CADM2: variants seen among roughly 807,000 people sequenced by gnomAD.
CADM2 encodes the protein cell adhesion molecule 2, also known as immunoglobulin superfamily member 4D.
CADM2 carries 12 observed loss-of-function variants against 49.8 expected under a neutral mutation model. That is an observed-to-expected ratio of 0.24 (90% CI 0.15 to 0.39). The LOEUF is 0.39. Ranked by LOEUF, CADM2 falls within the 10% of genes least tolerant of loss-of-function variation. CADM2 has a pLI of 1.00. For missense variants in CADM2, 378 were observed against 492.3 expected, an observed-to-expected ratio of 0.77 and a Z score of 2.20; for synonymous variants, 214 against 175.4, an observed-to-expected ratio of 1.22 and a Z score of -1.74.
intron 2 of CADM2, among the ~76,000 whole-genome samples, chr3:85,777,162 T>C (rs1459136524): frequency 6.6e-6 from 1 of 152,024 alleles, no homozygotes; most frequent in Non-Finnish European, 1.5e-5. Flanking sequence ...ATTATCATTT[T>C]CATAAATAAA....
intron 1 of CADM2, among the ~76,000 whole-genome samples, chr3:85,501,934 A>G (rs1047974418): frequency 6.6e-6 from 1 of 152,142 alleles, no homozygotes; most frequent in African/African-American, 2.4e-5. Flanking sequence ...CTAAGGTAGT[A>G]CAAAAGGATA....
intron 1 of CADM2, among the ~76,000 whole-genome samples, chr3:85,242,703 G>A (rs866733952): frequency 7.9e-5 from 12 of 151,658 alleles, no homozygotes; most frequent in Non-Finnish European, 1.2e-4. Context: ...AAATTATGAC[G>A]TTAGAGCTTA....
At chr3:85,441,511 T>G (rs1429687559) in intron 1 of CADM2, among the ~76,000 whole-genome samples, 1 of 152,114 alleles carries the variant, frequency 6.6e-6, no homozygotes, top group Non-Finnish European at 1.5e-5. Flanking sequence ...ATATTTAATT[T>G]TCCTCATCTT....
rs571939171 is a variant in CADM2, at chr3:86,073,725, T to C, written c.*6942T>C. 1 of 152,036 alleles carries C rather than the reference T, an allele frequency of 6.6e-6. No individual in the cohort carries two copies. The highest frequency in any genetic ancestry group is 2.4e-5 in the African/African-American group (1 of 41,450). The allele number at this position is 152,036 out of a possible 1,614,324, so 9.4% of individuals were successfully genotyped here. ...AAACAGACATTGAAAGATGGAACTT[T>C]CTTTTTTCCAGTGACAGGTCATTAA... On this transcript the variant is annotated 3_prime_UTR_variant, in exon 10 of 10. Coordinates refer to ENST00000383699, the MANE Select transcript of CADM2 (RefSeq NM_001167675.2).
chr3:85,199,969 A>G (rs781272871), intron 1 of CADM2, among the ~76,000 whole-genome samples: 2 of 152,036 alleles, frequency 1.3e-5, no homozygotes, highest in Non-Finnish European at 2.9e-5. Flanking sequence ...AAACTGCATA[A>G]TGCATATATC....
At chr3:85,974,215 A>G (rs1316501109) in intron 8 of CADM2, among the ~76,000 whole-genome samples, 2 of 151,578 alleles carry the variant, frequency 1.3e-5, no homozygotes, top group African/African-American at 4.8e-5. Flanking sequence ...TCCATATGAG[A>G]TCCTATTTGA....
rs555117029 is a variant in CADM2 at position 85,918,357 on chromosome 3, A to T, written c.700+5814A>T. ...ACACCTAATTTATTGTGAGTTTTTA[A>T]CATGAAAGGTTGTTGAATTTTGTCA... On this transcript the variant is annotated intron_variant, in intron 6 of 9. Coordinates refer to ENST00000383699, the MANE Select transcript of CADM2 (RefSeq NM_001167675.2). Among the ~76,000 whole-genome samples, 5 of 152,196 alleles carry T rather than the reference A, an allele frequency of 3.3e-5. No homozygotes were observed. In the South Asian group the frequency reaches 1.0e-3, roughly 32 times the overall value.
rs541004427 is a variant in CADM2 at position 85,097,245 on chromosome 3, C to T, written c.61+137577C>T. ...ATTCCCACCTATGAGTGAGAACATG[C>T]GGTGTTTGGTTTTTTGTCCTTGTGA... On this transcript the variant is annotated intron_variant, in intron 1 of 9. Coordinates refer to ENST00000383699, the MANE Select transcript of CADM2 (RefSeq NM_001167675.2). 9.9e-5 allele frequency among the ~76,000 whole-genome samples: 15 copies of T among 152,070 alleles called. No individual in the cohort carries two copies. In the South Asian group the frequency reaches 1.0e-3, roughly 11 times the overall value.
chr3:85,400,263 A>G (rs1172425418), intron 1 of CADM2, among the ~76,000 whole-genome samples: 1 of 152,060 alleles, frequency 6.6e-6, no homozygotes, highest in African/African-American at 2.4e-5. Context: ...ATTGATTTGC[A>G]TATGTTGAAC....
At chr3:85,143,814 A>G in intron 1 of CADM2, among the ~76,000 whole-genome samples, 1 of 152,152 alleles carries the variant, frequency 6.6e-6, no homozygotes, top group African/African-American at 2.4e-5. Context: ...CTGTAGCCAG[A>G]ATATTTCTGA....
At chr3:85,370,924 A>C (rs916433819) in intron 1 of CADM2, among the ~76,000 whole-genome samples, 23 of 152,192 alleles carry the variant, frequency 1.5e-4, no homozygotes, top group Non-Finnish European at 7.3e-5. Flanking sequence ...TGTTTTTAAC[A>C]AAAGAGTTTA....
At chr3:85,183,704 C>A (rs1294400840) in intron 1 of CADM2, among the ~76,000 whole-genome samples, 1 of 152,094 alleles carries the variant, frequency 6.6e-6, no homozygotes. Context: ...ATGAAAGGAA[C>A]AATACTGACC....
chr3:85,298,247 G>C (rs1289377989), intron 1 of CADM2, among the ~76,000 whole-genome samples: 1 of 152,010 alleles, frequency 6.6e-6, no homozygotes, highest in East Asian at 1.9e-4. Context: ...AGCAGGTTTT[G>C]CCTTGAACAC....
chr3:85,839,428 G>A (rs2074544692), intron 3 of CADM2, among the ~76,000 whole-genome samples: 1 of 151,608 alleles, frequency 6.6e-6, no homozygotes. Flanking sequence ...TTACATAAAA[G>A]GCTAATCACA....
intron 1 of CADM2, among the ~76,000 whole-genome samples, chr3:85,617,867 TA>T (rs2063842192): frequency 6.6e-6 from 1 of 152,308 alleles, no homozygotes; most frequent in Non-Finnish European, 1.5e-5. Context: ...AATAAAGATC[TA>T]AAACCAGAAA....
intron 1 of CADM2, among the ~76,000 whole-genome samples, chr3:85,328,514 A>G (rs2044817930): frequency 6.6e-6 from 1 of 152,188 alleles, no homozygotes; most frequent in African/African-American, 2.4e-5. Context: ...CTTTTGGGCT[A>G]TTTCCATGTT....
intron 5 of CADM2, among the ~76,000 whole-genome samples, chr3:85,898,955 ATTTTTTTT>A (rs35857247): frequency 5.3e-4 from 18 of 33,892 alleles, no homozygotes; most frequent in South Asian, 1.4e-3. Flanking sequence ...ATATATATAT[ATTTTTTTT>A]TTTTTTTTTT....
intron 1 of CADM2, among the ~76,000 whole-genome samples, chr3:85,580,334 A>G (rs1273378097): frequency 6.6e-6 from 1 of 152,158 alleles, no homozygotes; most frequent in Non-Finnish European, 1.5e-5. Flanking sequence ...TTTAAGAAAA[A>G]AAAATAAGAA....
rs114837207 is a variant in CADM2, at chr3:85,320,413, C to G, written c.61+360745C>G. ...TGTGGTTTAAAACTGATTGGCATCT[C>G]ATAGATTTCGGGTAGTTTTCACGTA... On this transcript the variant is annotated intron_variant, in intron 1 of 9. Transcript: ENST00000383699. 8.6e-3 allele frequency among the ~76,000 whole-genome samples: 1,317 copies of G among 152,284 alleles called. 9 individuals carry two copies. The highest frequency in any genetic ancestry group is 0.014 in the Non-Finnish European group (979 of 68,026).
Sources: gnomAD v4.1 joint callset for allele counts (sites outside exome capture counted in the v4.1 genomes callset) on GRCh38, gnomAD v4.1.1 for gene constraint, MANE v1.5 for transcripts, NCBI Gene and HGNC (gene_info 2026-07-23, HGNC 2026-07-21) for gene names.